The following STEAP1B variants were observed in gnomAD, a reference collection of about 807,000 sequenced individuals.
STEAP1B encodes the protein STEAP family member 1B, also known as STEAP family protein MGC87042.
A neutral mutation model predicts 27.9 loss-of-function variants in STEAP1B; 13 were observed. That is an observed-to-expected ratio of 0.47 (90% CI 0.30 to 0.74). The LOEUF is 0.74. STEAP1B is among the 30% of genes least tolerant of loss of function. The pLI is 0.06. For missense variants in STEAP1B, 250 were observed against 298.7 expected (o/e 0.84, Z 1.20); for synonymous variants, 86 against 107.1 (o/e 0.80, Z 1.22).
chr7:22,424,618 C>G lies in STEAP1B; in HGVS notation c.763-4782G>C, dbSNP rs146930972. Among the ~76,000 whole-genome samples, 7 of 152,192 alleles carry G rather than the reference C, an allele frequency of 4.6e-5. No individual in the cohort carries two copies. In the East Asian group the frequency reaches 9.6e-4, roughly 21 times the overall value. ...TTTGTCCCAGATACCTGAAAAATAT[C>G]TACCACCTTTGGCTAAATAATTCCA... is the stretch of plus-strand genomic sequence containing the variant. On this transcript the variant is annotated intron_variant, in intron 4 of 4. Transcript: ENST00000678116.
chr7:22,435,692 T>A (rs1785244744), intron 4 of STEAP1B, among the ~76,000 whole-genome samples: 3 of 152,206 alleles, frequency 2.0e-5, no homozygotes, highest in Non-Finnish European at 4.4e-5. Flanking sequence ...CAATTGTATT[T>A]ATTTAGCCAC....
intron 4 of STEAP1B, among the ~76,000 whole-genome samples, chr7:22,439,112 A>C (rs973869470): frequency 5.3e-5 from 8 of 152,164 alleles, no homozygotes; most frequent in African/African-American, 1.9e-4. Context: ...ACCAGACCCT[A>C]ATCTACTAAA....
intron 4 of STEAP1B, among the ~76,000 whole-genome samples, chr7:22,484,513 C>A (rs1786165508): frequency 6.6e-6 from 1 of 152,306 alleles, no homozygotes; most frequent in South Asian, 2.1e-4. Flanking sequence ...CCCTCATTGA[C>A]AATGCACCTG....
At chr7:22,471,960 T>C (rs2128411044) in intron 4 of STEAP1B, among the ~76,000 whole-genome samples, 2 of 151,208 alleles carry the variant, frequency 1.3e-5, no homozygotes, top group South Asian at 4.2e-4. Context: ...GTAACTACTT[T>C]AAAAGGCTGT....
intron 4 of STEAP1B, among the ~76,000 whole-genome samples, chr7:22,444,678 C>T (rs903117339): frequency 6.6e-6 from 1 of 152,236 alleles, no homozygotes; most frequent in Non-Finnish European, 1.5e-5. Context: ...TCATCTGTCA[C>T]TGAGTAACAG....
intron 4 of STEAP1B, among the ~76,000 whole-genome samples, chr7:22,485,527 T>G (rs1481794074): frequency 6.6e-6 from 1 of 152,206 alleles, no homozygotes; most frequent in Non-Finnish European, 1.5e-5. Context: ...CTCACTCTGT[T>G]GCTAAGGCTA....
At position 22,442,904 on chromosome 7, in the gene STEAP1B, G is replaced by A. The variant is rs1043471938; in HGVS notation, c.763-23068C>T. Among the ~76,000 whole-genome samples the A allele has an allele frequency of 5.3e-5, 8 of 152,254 alleles. No individual in the cohort carries two copies. The South Asian group carries it at 1.7e-3, about 32-fold the overall frequency. Reference sequence around the variant, plus strand: ...ACACAGGATGAGAAGACATCACTTGGAGAAGAAATAGCAACAACCATTGTC... The same window carrying A: ...ACACAGGATGAGAAGACATCACTTGAAGAAGAAATAGCAACAACCATTGTC... On this transcript the variant is annotated intron_variant, in intron 4 of 4. Transcript: ENST00000678116.
intron 1 of STEAP1B, among the ~76,000 whole-genome samples, chr7:22,499,217 T>C (rs955174529): frequency 5.9e-5 from 9 of 152,258 alleles, no homozygotes; most frequent in Non-Finnish European, 1.3e-4. Flanking sequence ...CTGGTGTTCC[T>C]AAATGTTGGC....
At chr7:22,448,397 C>T (rs1355208871) in intron 4 of STEAP1B, among the ~76,000 whole-genome samples, 2 of 152,010 alleles carry the variant, frequency 1.3e-5, no homozygotes, top group Non-Finnish European at 2.9e-5. Context: ...TTTAATAGAA[C>T]TTTTTTCCTT....
chr7:22,488,578 T>A (rs1001178622), intron 4 of STEAP1B, among the ~76,000 whole-genome samples: 2 of 152,104 alleles, frequency 1.3e-5, no homozygotes, highest in Admixed American at 6.5e-5. Flanking sequence ...GCAGACCCAG[T>A]GGGGAATTTA....
At chr7:22,472,781 C>T (rs1034791402) in intron 4 of STEAP1B, among the ~76,000 whole-genome samples, 1 of 152,156 alleles carries the variant, frequency 6.6e-6, no homozygotes, top group Non-Finnish European at 1.5e-5. Context: ...CATCCTCCCC[C>T]TCCTTCCCTG....
At chr7:22,467,942 G>A (rs894966181) in intron 4 of STEAP1B, among the ~76,000 whole-genome samples, 11 of 152,288 alleles carry the variant, frequency 7.2e-5, no homozygotes, top group African/African-American at 2.6e-4. Context: ...CAATCCTCTT[G>A]AGACTAAGCT....
chr7:22,475,843 T>C (rs1412148505), intron 4 of STEAP1B, among the ~76,000 whole-genome samples: 2 of 152,164 alleles, frequency 1.3e-5, no homozygotes, highest in African/African-American at 4.8e-5. Flanking sequence ...GGTTGCCAGG[T>C]GGAGGTTATT....
intron 4 of STEAP1B, among the ~76,000 whole-genome samples, chr7:22,424,272 TA>T (rs1477074018): frequency 6.6e-6 from 1 of 152,172 alleles, no homozygotes; most frequent in Non-Finnish European, 1.5e-5. Context: ...GGCAAAAAGT[TA>T]ATTTACTTAG....
chr7:22,463,028 T>G (rs1008047534), intron 4 of STEAP1B, among the ~76,000 whole-genome samples: 7 of 152,334 alleles, frequency 4.6e-5, no homozygotes, highest in Non-Finnish European at 8.8e-5. Context: ...CATAAATGTC[T>G]TCTTTTGAGA....
intron 4 of STEAP1B, among the ~76,000 whole-genome samples, chr7:22,471,545 C>G (rs61262900): frequency 6.6e-6 from 1 of 151,918 alleles, no homozygotes; most frequent in Admixed American, 6.6e-5. Flanking sequence ...AGATACTGTA[C>G]GAGAAATAGA....
Position 22,443,848 on chromosome 7 carries a change from C to G in STEAP1B, c.763-24012G>C, listed in dbSNP as rs542157677. Among the ~76,000 whole-genome samples, 7 of 152,324 alleles carry G rather than the reference C, an allele frequency of 4.6e-5. No homozygotes were observed. The East Asian group carries it at 1.4e-3, about 29-fold the overall frequency. On this transcript the variant is annotated intron_variant, in intron 4 of 4. Coordinates refer to ENST00000678116, the MANE Select transcript of STEAP1B (RefSeq NM_001382447.1). ...CTGGAGCCACCAGGACTTTGACCTA[C>G]ATAAAGTGCCACAAAAATCACCCAA...
chr7:22,458,785 T>C (rs1019453862), intron 4 of STEAP1B, among the ~76,000 whole-genome samples: 2 of 151,968 alleles, frequency 1.3e-5, no homozygotes, highest in East Asian at 1.9e-4. Context: ...GACTAGATTG[T>C]GGAGGGCATT....
chr7:22,486,846 C>G (rs528256519), intron 4 of STEAP1B, among the ~76,000 whole-genome samples: 5 of 152,214 alleles, frequency 3.3e-5, no homozygotes, highest in Admixed American at 6.5e-5. Flanking sequence ...TTCACTCAGG[C>G]TGCCCTGGGG....
Sources: allele counts gnomAD v4.1 joint callset (sites outside exome capture counted in the v4.1 genomes callset), GRCh38; gene constraint gnomAD v4.1.1; transcripts MANE v1.5; gene names NCBI Gene and HGNC (gene_info 2026-07-23, HGNC 2026-07-21).